Variants in PLCXD3 observed in about 807,000 individuals in gnomAD.
PLCXD3 encodes phosphatidylinositol specific phospholipase C X domain containing 3.
Under a neutral mutation model 25.5 loss-of-function variants are expected in PLCXD3, and 19 were observed. The ratio of observed to expected loss-of-function variants is 0.75; its 90% CI spans 0.52 to 1.09. The LOEUF (loss-of-function observed/expected upper bound fraction) is 1.09. Ranked by LOEUF, PLCXD3 falls within the 50% of genes least tolerant of loss-of-function variation. The pLI is 0.00. For missense variants in PLCXD3, 411 were observed against 388.1 expected (o/e 1.06, Z -0.50); for synonymous variants, 174 against 137.6 (o/e 1.26, Z -1.85).
chr5:41,480,330 A>T (rs570635797), intron 1 of PLCXD3, among the ~76,000 whole-genome samples: 26 of 152,152 alleles, frequency 1.7e-4, no homozygotes, highest in Admixed American at 5.2e-4. Context: ...CCTTTTGAGT[A>T]TAACATCAGG....
In PLCXD3 at chr5:41,436,883, T is replaced by C. The variant is rs1199910176; in HGVS notation, c.104-54349A>G. On this transcript the variant is annotated intron_variant, in intron 1 of 2. Coordinates refer to ENST00000377801, the MANE Select transcript of PLCXD3 (RefSeq NM_001005473.3). ...TTCAGTTATTTAATTTCATGTATTC[T>C]ATACTTTTAGATACTTAATATAGTC... is the stretch of plus-strand genomic sequence containing the variant. Among the ~76,000 whole-genome samples, 5 of 152,230 alleles carry C rather than the reference T, an allele frequency of 3.3e-5. 1 individual carries two copies. Among genetic ancestry groups the C allele is most frequent in the Admixed American group, 3.3e-4 (5 of 15,282 alleles).
At chr5:41,371,490 TC>T (rs1211879035) in intron 2 of PLCXD3, among the ~76,000 whole-genome samples, 2 of 152,138 alleles carry the variant, frequency 1.3e-5, no homozygotes, top group Non-Finnish European at 2.9e-5. Flanking sequence ...TGTTGAAATA[TC>T]CAAATATAGA....
chr5:41,310,456 C>G lies in PLCXD3; in HGVS notation c.*3161G>C, dbSNP rs1743107171. 6.6e-6 allele frequency: 1 copy of G among 152,194 alleles called. No homozygotes were observed. The highest frequency in any genetic ancestry group is 2.4e-5 in the African/African-American group (1 of 41,406). 9.4% of individuals were successfully genotyped at this position (152,194 alleles called of 1,614,324 possible). A position where few individuals can be genotyped will look rare whatever the true frequency, so the allele number is the denominator to read the frequency against. ...AAATAGTCTTAAGAAACAAGTAAAA[C>G]AAAAAGTGCACCAAGGTGTATCTAC... is the stretch of plus-strand genomic sequence containing the variant. On this transcript the variant is annotated 3_prime_UTR_variant, in exon 3 of 3. Transcript: ENST00000377801.
At chr5:41,458,307 A>G (rs1747801755) in intron 1 of PLCXD3, among the ~76,000 whole-genome samples, 1 of 152,052 alleles carries the variant, frequency 6.6e-6, no homozygotes, top group South Asian at 2.1e-4. Context: ...GAACAGCCCA[A>G]GAATCTCTAG....
At chr5:41,462,111 G>T (rs1747890261) in intron 1 of PLCXD3, among the ~76,000 whole-genome samples, 1 of 151,964 alleles carries the variant, frequency 6.6e-6, no homozygotes, top group African/African-American at 2.4e-5. Flanking sequence ...AACATACATA[G>T]TTACAAGAGT....
intron 1 of PLCXD3, among the ~76,000 whole-genome samples, chr5:41,450,448 G>A (rs535474162): frequency 6.6e-6 from 1 of 152,240 alleles, no homozygotes; most frequent in East Asian, 1.9e-4. Flanking sequence ...TTCATCAATA[G>A]TTTAAGGATG....
At chr5:41,364,772 G>A (rs747515144) in intron 2 of PLCXD3, among the ~76,000 whole-genome samples, 2 of 152,202 alleles carry the variant, frequency 1.3e-5, no homozygotes, top group Non-Finnish European at 2.9e-5. Context: ...TCTTTCAGAA[G>A]TCCCAGCAGT....
chr5:41,372,880 CA>C (rs1745146691), intron 2 of PLCXD3, among the ~76,000 whole-genome samples: 1 of 151,694 alleles, frequency 6.6e-6, no homozygotes, highest in Non-Finnish European at 1.5e-5. Flanking sequence ...TCCTTCTCTA[CA>C]AAAAATACAA....
At chr5:41,417,258 C>T (rs1746715546) in intron 1 of PLCXD3, among the ~76,000 whole-genome samples, 1 of 152,138 alleles carries the variant, frequency 6.6e-6, no homozygotes, top group South Asian at 2.1e-4. Context: ...GGCTACTATC[C>T]TGGAGGAAGG....
intron 2 of PLCXD3, among the ~76,000 whole-genome samples, chr5:41,353,473 G>A (rs1301847024): frequency 6.6e-6 from 1 of 152,120 alleles, no homozygotes. Flanking sequence ...TATATAAGTA[G>A]GATTTCCTGG....
Position 41,312,098 on chromosome 5 carries a change from T to A in PLCXD3, c.*1519A>T, listed in dbSNP as rs986072357. The A allele has an allele frequency of 3.9e-5, 6 of 152,448 alleles. No homozygotes were observed. The highest frequency in any genetic ancestry group is 1.5e-4 in the African/African-American group (6 of 41,376). The allele number at this position is 152,448 out of a possible 1,614,324, so 9.4% of individuals were successfully genotyped here. On this transcript the variant is annotated 3_prime_UTR_variant, in exon 3 of 3. Transcript: ENST00000377801. ...AAGGATTATTGTGCTCTAAGTTTTT[T>A]TTTTTTATTTTTTAGAGTTGTCAAA...
At chr5:41,402,142 G>T (rs891051863) in intron 1 of PLCXD3, among the ~76,000 whole-genome samples, 3 of 151,272 alleles carry the variant, frequency 2.0e-5, no homozygotes, top group African/African-American at 7.3e-5. Flanking sequence ...GGTTTAATTT[G>T]TTCCTTTTTT....
At chr5:41,320,664 T>G (rs1743441102) in intron 2 of PLCXD3, among the ~76,000 whole-genome samples, 1 of 152,064 alleles carries the variant, frequency 6.6e-6, no homozygotes, top group African/African-American at 2.4e-5. Context: ...GCCTGGCTAA[T>G]TTTTTGTATT....
chr5:41,389,641 T>C (rs2150495406), intron 1 of PLCXD3, among the ~76,000 whole-genome samples: 1 of 152,252 alleles, frequency 6.6e-6, no homozygotes, highest in South Asian at 2.1e-4. Context: ...GCTGTTGATG[T>C]TGGTAACAGT....
chr5:41,354,957 C>T (rs1052263315), intron 2 of PLCXD3, among the ~76,000 whole-genome samples: 17 of 152,210 alleles, frequency 1.1e-4, no homozygotes, highest in African/African-American at 4.1e-4. Context: ...TGCCACATTA[C>T]AGCACACAAA....
intron 2 of PLCXD3, among the ~76,000 whole-genome samples, chr5:41,361,140 C>T (rs534970884): frequency 1.8e-4 from 27 of 152,038 alleles, no homozygotes; most frequent in Middle Eastern, 3.4e-3. Flanking sequence ...CCAGGGGTTA[C>T]GGCTGCCTCT....
At chr5:41,344,053 C>A (rs1450943469) in intron 2 of PLCXD3, among the ~76,000 whole-genome samples, 1 of 151,996 alleles carries the variant, frequency 6.6e-6, no homozygotes, top group Non-Finnish European at 1.5e-5. Flanking sequence ...TTATCTTGAA[C>A]TGAAAAAGTA....
At chr5:41,410,285 G>A (rs573947398) in intron 1 of PLCXD3, among the ~76,000 whole-genome samples, 4 of 151,764 alleles carry the variant, frequency 2.6e-5, no homozygotes, top group South Asian at 2.1e-4. Flanking sequence ...GACTACAGGC[G>A]TGCGCCCCCA....
chr5:41,441,849 A>G (rs866644682), intron 1 of PLCXD3, among the ~76,000 whole-genome samples: 1 of 152,236 alleles, frequency 6.6e-6, no homozygotes, highest in Non-Finnish European at 1.5e-5. Flanking sequence ...GGTTGTCTCC[A>G]CACATGGGAT....
Sources: allele counts gnomAD v4.1 joint callset (sites outside exome capture counted in the v4.1 genomes callset), GRCh38; gene constraint gnomAD v4.1.1; transcripts MANE v1.5; gene names NCBI Gene and HGNC (gene_info 2026-07-23, HGNC 2026-07-21).